The following REDIC1 variants were observed in gnomAD, a reference collection of about 807,000 sequenced individuals.
REDIC1 encodes the protein regulator of DNA class I crossover intermediates 1.
At chr12:39,734,922 G>C in the REDIC1 span, among the ~76,000 whole-genome samples, 4 of 152,142 alleles carry the variant, frequency 2.6e-5, no homozygotes, top group Non-Finnish European at 4.4e-5. Flanking sequence ...TCTCAATTTG[G>C]AGAAGAACTG....
At chr12:39,782,685 A>G in the REDIC1 span, among the ~76,000 whole-genome samples, 2 of 152,196 alleles carry the variant, frequency 1.3e-5, no homozygotes, top group African/African-American at 4.8e-5. Context: ...AAAGGTTGGA[A>G]CAGTTTGGAG....
chr12:39,905,448 T>G, the REDIC1 span, among the ~76,000 whole-genome samples: 1 of 152,174 alleles, frequency 6.6e-6, no homozygotes, highest in Non-Finnish European at 1.5e-5. Flanking sequence ...AGGCTGAATG[T>G]ATCATCATGA....
chr12:39,712,574 C>T, the REDIC1 span, among the ~76,000 whole-genome samples: 2 of 138,630 alleles, frequency 1.4e-5, no homozygotes, highest in Non-Finnish European at 1.6e-5. Context: ...TACGTATATA[C>T]GTATATATGT....
chr12:39,690,389 C>T, the REDIC1 span, among the ~76,000 whole-genome samples: 3 of 151,890 alleles, frequency 2.0e-5, no homozygotes. Flanking sequence ...AACATGGGAA[C>T]GTATTCACCA....
chr12:39,767,618 C>CA, the REDIC1 span, among the ~76,000 whole-genome samples: 1 of 152,052 alleles, frequency 6.6e-6, no homozygotes, highest in Non-Finnish European at 1.5e-5. Flanking sequence ...GTTTCATCTA[C>CA]ATTGAAAAAT....
chr12:39,729,374 G>C, the REDIC1 span, among the ~76,000 whole-genome samples: 2 of 152,138 alleles, frequency 1.3e-5, no homozygotes, highest in East Asian at 3.8e-4. Context: ...GTTCTCATTG[G>C]TTTCAATGTA....
At chr12:39,744,263 C>G in the REDIC1 span, among the ~76,000 whole-genome samples, 39 of 152,210 alleles carry the variant, frequency 2.6e-4, no homozygotes, top group African/African-American at 8.9e-4. Flanking sequence ...AAATAAAGGA[C>G]TTTTTCAGAC....
chr12:39,896,531 T>C, the REDIC1 span, among the ~76,000 whole-genome samples: 1 of 141,318 alleles, frequency 7.1e-6, no homozygotes, highest in Non-Finnish European at 1.5e-5. Context: ...CATGTATACA[T>C]GTATGTATGT....
At chr12:39,721,448 C>A in the REDIC1 span, 1 of 518,968 alleles carries the variant, frequency 1.9e-6, no homozygotes. Context: ...TTGTATATAG[C>A]CATTTCCTTA....
the REDIC1 span, chr12:39,643,960 C>A: frequency 7.2e-7 from 1 of 1,385,326 alleles, no homozygotes; most frequent in South Asian, 1.4e-5. Flanking sequence ...TTGATGTGAT[C>A]ATAATAATGT....
At chr12:39,841,252 G>A in the REDIC1 span, among the ~76,000 whole-genome samples, 1 of 152,114 alleles carries the variant, frequency 6.6e-6, no homozygotes, top group African/African-American at 2.4e-5. Flanking sequence ...CTAGTAGCCA[G>A]AATGGTTTTT....
At chr12:39,670,233 C>T in the REDIC1 span, among the ~76,000 whole-genome samples, 2 of 152,144 alleles carry the variant, frequency 1.3e-5, no homozygotes, top group Non-Finnish European at 2.9e-5. Flanking sequence ...CTCCATCACC[C>T]AGGCTGGAGT....
At chr12:39,807,117 T>C in the REDIC1 span, among the ~76,000 whole-genome samples, 1 of 148,678 alleles carries the variant, frequency 6.7e-6, no homozygotes, top group African/African-American at 2.6e-5. Context: ...GAAAAGTAAT[T>C]ACAGTTTTCG....
chr12:39,713,216 T>C, the REDIC1 span, among the ~76,000 whole-genome samples: 1 of 145,908 alleles, frequency 6.9e-6, no homozygotes, highest in African/African-American at 2.5e-5. Flanking sequence ...CATATATGTT[T>C]ATATTACACA....
At chr12:39,821,459 T>G in the REDIC1 span, among the ~76,000 whole-genome samples, 1 of 151,984 alleles carries the variant, frequency 6.6e-6, no homozygotes, top group Non-Finnish European at 1.5e-5. Context: ...ATCCAGGGTA[T>G]CTTGCTATAT....
chr12:39,753,088 T>C, the REDIC1 span, among the ~76,000 whole-genome samples: 2 of 152,172 alleles, frequency 1.3e-5, no homozygotes, highest in Admixed American at 6.5e-5. Flanking sequence ...GTTTTGTGAG[T>C]TTAGTATCTA....
At chr12:39,695,482 G>T in the REDIC1 span, among the ~76,000 whole-genome samples, 2 of 152,152 alleles carry the variant, frequency 1.3e-5, no homozygotes, top group African/African-American at 4.8e-5. Flanking sequence ...TGTAGGCCTG[G>T]GTTGTGATGG....
At chr12:39,839,040 T>C in the REDIC1 span, among the ~76,000 whole-genome samples, 1 of 152,098 alleles carries the variant, frequency 6.6e-6, no homozygotes. Context: ...ACTCCTTCTT[T>C]ATGCATGAAT....
chr12:39,674,603 C>G, the REDIC1 span, among the ~76,000 whole-genome samples: 1 of 152,168 alleles, frequency 6.6e-6, no homozygotes, highest in South Asian at 2.1e-4. Flanking sequence ...TGCTTCCAAA[C>G]ACACATCTCC....
Sources: allele counts gnomAD v4.1 joint callset (sites outside exome capture counted in the v4.1 genomes callset), GRCh38; gene constraint gnomAD v4.1.1; transcripts MANE v1.5; gene names NCBI Gene and HGNC (gene_info 2026-07-23, HGNC 2026-07-21).